Variants in TEX2 observed in about 807,000 individuals in gnomAD.
TEX2 encodes the protein testis expressed 2, also known as testis-expressed protein 2.
In TEX2, 53 loss-of-function variants were observed where a neutral mutation model predicts 106.9. That is an observed-to-expected ratio of 0.50 (90% CI 0.40 to 0.62). The LOEUF (loss-of-function observed/expected upper bound fraction) is 0.62. Among genes scored for constraint, TEX2 ranks in the 20% least tolerant of loss-of-function variants. The probability of loss-of-function intolerance (pLI) is 0.00; values close to 1 mark genes in which losing one functional copy is unlikely to be tolerated. For missense variants in TEX2, 1,207 were observed against 1,379.0 expected (o/e 0.88, Z 1.98); for synonymous variants, 523 against 534.8 (o/e 0.98, Z 0.30).
rs373831700 is a variant in TEX2, at chr17:64,234,197, T to A, written c.-25-19955A>T. On this transcript the variant is annotated intron_variant, in intron 1 of 11. Coordinates refer to ENST00000584379, the MANE Select transcript of TEX2 (RefSeq NM_001288732.2). ...AGCATTTCATAACCAGAAATACAAG[T>A]ACACAGCATGGAACCACACCGTCTA... Among the ~76,000 whole-genome samples, 17 of 152,334 alleles carry A rather than the reference T, an allele frequency of 1.1e-4. 1 individual carries two copies. The East Asian group carries it at 2.9e-3, about 26-fold the overall frequency.
Position 64,186,174 on chromosome 17 carries a change from G to A in TEX2, c.2424+1994C>T, listed in dbSNP as rs529369278. On this transcript the variant is annotated intron_variant, in intron 5 of 11. Transcript: ENST00000584379. ...CATTTTATTGGATAATTTTCTTAAC[G>A]TCAGTGCACAATTCTCCTCTTGATT... Among the ~76,000 whole-genome samples, 7 of 152,272 alleles carry A rather than the reference G, an allele frequency of 4.6e-5. No homozygotes were observed. In the South Asian group the frequency reaches 6.2e-4, roughly 14 times the overall value.
chr17:64,187,016 C>G lies in TEX2; in HGVS notation c.2424+1152G>C, dbSNP rs551569633. Among the ~76,000 whole-genome samples the G allele has an allele frequency of 9.9e-5, 15 of 152,266 alleles. No homozygotes were observed. In the East Asian group the frequency reaches 2.9e-3, roughly 29 times the overall value. The stretch of plus-strand genomic sequence containing the variant: ...GTTCTCAGGTGAGGTTTGCACACTC[C>G]ATCACTTAGCAACTGTGTGACTAGG... On this transcript the variant is annotated intron_variant, in intron 5 of 11. Coordinates refer to ENST00000584379, the MANE Select transcript of TEX2 (RefSeq NM_001288732.2).
intron 1 of TEX2, among the ~76,000 whole-genome samples, chr17:64,256,809 T>C (rs1413517942): frequency 6.6e-6 from 1 of 152,092 alleles, no homozygotes; most frequent in Admixed American, 6.6e-5. Flanking sequence ...GTCAATCCTT[T>C]CAGTAAAAAG....
intron 7 of TEX2, among the ~76,000 whole-genome samples, chr17:64,162,563 GA>G (rs1291566534): frequency 1.3e-5 from 2 of 152,152 alleles, no homozygotes; most frequent in Non-Finnish European, 2.9e-5. Context: ...TTACAAAATG[GA>G]AAGTTTTGCT....
At chr17:64,180,661 G>T (rs114304232) in intron 5 of TEX2, among the ~76,000 whole-genome samples, 1 of 152,154 alleles carries the variant, frequency 6.6e-6, no homozygotes, top group South Asian at 2.1e-4. Flanking sequence ...TATTCATTTC[G>T]CTGTCTCAAC....
chr17:64,181,580 C>A (rs1286534426), intron 5 of TEX2, among the ~76,000 whole-genome samples: 1 of 151,650 alleles, frequency 6.6e-6, no homozygotes, highest in Non-Finnish European at 1.5e-5. Context: ...TGCAGTGGCG[C>A]GATCTCGACT....
chr17:64,213,683 T>C lies in TEX2; in HGVS notation c.535A>G (p.Thr179Ala). The change falls in exon 2 of 12, where the codon ACC becomes GCC. Residue 179 changes from threonine to alanine, a missense_variant. Around this residue, in one of 3 missense-constraint regions of TEX2, gnomAD observed 1,067 missense variants for 1,193.6 expected, o/e 0.89. Coordinates refer to ENST00000584379, the MANE Select transcript of TEX2 (RefSeq NM_001288732.2). This position sits in a 1 kb window ranked among gnomAD's most constrained non-coding sequence, Gnocchi z 4.4. ...GGTTTTGCACTGGAAAGGGTGGAGGTTGAGGCACTGGATGAGAGGATGGGA... is the reference window on the plus strand; with the variant it reads ...GGTTTTGCACTGGAAAGGGTGGAGGCTGAGGCACTGGATGAGAGGATGGGA... ...KSPILSSSAS[T>A]STLSSAKPFM... 6.2e-7 allele frequency: 1 copy of C among 1,613,798 alleles called. No individual in the cohort carries two copies. Among genetic ancestry groups the C allele is most frequent in the East Asian group, 2.2e-5 (1 of 44,884 alleles).
In TEX2 at chr17:64,150,894, T is replaced by C; in HGVS notation, c.3208A>G (p.Thr1070Ala). Residue 1070 changes from threonine (T) to alanine (A), a missense_variant, in exon 11 of 12, where the codon ACT (threonine) becomes GCT (alanine). Thr to Ala is a moderately conservative substitution (Grantham distance 58, BLOSUM62 0). Coordinates refer to ENST00000584379, the MANE Select transcript of TEX2 (RefSeq NM_001288732.2). The stretch of plus-strand genomic sequence containing the variant: ...ATCCAGTCTGTCACATGAACTAAAG[T>C]CACTTCTCTCTCTCCAAGTTTTGGC... ...ARPKLGEREV[T>A]LVHVTDWIEK... 1 of 1,613,966 alleles carries C rather than the reference T, an allele frequency of 6.2e-7. No homozygotes were observed. The highest frequency in any genetic ancestry group is 2.2e-5 in the East Asian group (1 of 44,880).
intron 8 of TEX2, among the ~76,000 whole-genome samples, chr17:64,160,352 T>C (rs1004645664): frequency 3.9e-4 from 59 of 152,326 alleles, no homozygotes; most frequent in African/African-American, 1.4e-3. Flanking sequence ...CAAAACACTT[T>C]TAGGAGCACC....
intron 1 of TEX2, among the ~76,000 whole-genome samples, chr17:64,258,833 C>T (rs1294575687): frequency 6.6e-6 from 1 of 151,468 alleles, no homozygotes; most frequent in African/African-American, 2.4e-5. Context: ...GATCTCGGCT[C>T]ACTGCAACCT....
chr17:64,243,829 G>A (rs1478177858), intron 1 of TEX2, among the ~76,000 whole-genome samples: 2 of 135,658 alleles, frequency 1.5e-5, no homozygotes, highest in Non-Finnish European at 1.6e-5. Context: ...TTTTTTTTGA[G>A]ATGGAGTCTC....
Position 64,193,695 on chromosome 17 carries a change from A to C in TEX2, c.2040T>G (p.Ser680=). ...GATAGAGTATCTGATCTCGCTGGCT[A>C]GATCTTGTTCCCTCCTGAGGGCGGG... ...KPPRPQEGTR[S]SQRDQILYLF... is the part of the protein sequence containing the mutation. Residue 680 remains serine (S), a synonymous_variant, in exon 4 of 12, where the codon TCT becomes TCG. Coordinates refer to ENST00000584379, the MANE Select transcript of TEX2 (RefSeq NM_001288732.2). 2.5e-6 allele frequency: 4 copies of C among 1,608,946 alleles called. No homozygotes were observed. Among genetic ancestry groups the C allele is most frequent in the Non-Finnish European group, 3.4e-6 (4 of 1,178,032 alleles).
At chr17:64,221,125 C>T (rs1357214459) in intron 1 of TEX2, among the ~76,000 whole-genome samples, 1 of 152,138 alleles carries the variant, frequency 6.6e-6, no homozygotes, top group Non-Finnish European at 1.5e-5. Flanking sequence ...ACTGCATGTT[C>T]TTACTTATAA....
At chr17:64,199,192 A>G (rs1555629764) in intron 2 of TEX2, among the ~76,000 whole-genome samples, 1 of 152,214 alleles carries the variant, frequency 6.6e-6, no homozygotes, top group Non-Finnish European at 1.5e-5. Flanking sequence ...GGAAATATTA[A>G]TATAATGTGA....
chr17:64,250,338 T>C (rs1411775872), intron 1 of TEX2, among the ~76,000 whole-genome samples: 3 of 152,246 alleles, frequency 2.0e-5, no homozygotes, highest in African/African-American at 7.2e-5. Context: ...TGAGCAACTT[T>C]AGTGAGCAGG....
chr17:64,155,229 C>T, intron 8 of TEX2: 1 of 357,844 alleles, frequency 2.8e-6, no homozygotes, highest in Non-Finnish European at 5.0e-6. Context: ...GAAGAGGTTG[C>T]TTTTGAGCAT....
intron 1 of TEX2, among the ~76,000 whole-genome samples, chr17:64,262,607 T>C (rs1210592763): frequency 6.6e-6 from 1 of 152,186 alleles, no homozygotes; most frequent in Non-Finnish European, 1.5e-5. Flanking sequence ...ATGTCACTTG[T>C]TAACCTTCCG....
chr17:64,165,278 T>C (rs184495867), intron 7 of TEX2, among the ~76,000 whole-genome samples: 51 of 152,358 alleles, frequency 3.3e-4, no homozygotes, highest in Admixed American at 2.7e-3. Context: ...ATTCCTTGTG[T>C]GTGGATGTGT....
At chr17:64,175,415 G>A (rs779355109) in intron 6 of TEX2, among the ~76,000 whole-genome samples, 11 of 152,198 alleles carry the variant, frequency 7.2e-5, no homozygotes, top group Non-Finnish European at 1.6e-4. Flanking sequence ...GGAAGTTTAA[G>A]TCTGTGAACT....
Sources: allele counts gnomAD v4.1 joint callset (sites outside exome capture counted in the v4.1 genomes callset), GRCh38; gene constraint gnomAD v4.1.1; regional missense constraint gnomAD v4.1.1; non-coding constraint Gnocchi (gnomAD v3.1); transcripts MANE v1.5; gene names NCBI Gene and HGNC (gene_info 2026-07-23, HGNC 2026-07-21).